The following SHTN1 variants were observed in gnomAD, a reference collection of about 807,000 sequenced individuals.
SHTN1 encodes shootin 1.
Under a neutral mutation model 83.1 loss-of-function variants are expected in SHTN1, and 42 were observed. The observed-to-expected ratio is 0.51, with a 90% CI of 0.39 to 0.65. The LOEUF (loss-of-function observed/expected upper bound fraction) is 0.65, where lower values mean the gene tolerates loss of function less well. Ranked by LOEUF, SHTN1 falls within the 30% of genes least tolerant of loss-of-function variation. The probability of loss-of-function intolerance (pLI) is 0.00; values close to 1 mark genes in which losing one functional copy is unlikely to be tolerated. For synonymous variants in SHTN1, 224 were observed against 247.7 expected (o/e 0.90, Z 0.90); for missense variants, 622 against 737.8 (o/e 0.84, Z 1.82).
At chr10:117,011,778 A>C (rs1437998318) in intron 2 of SHTN1, among the ~76,000 whole-genome samples, 3 of 152,226 alleles carry the variant, frequency 2.0e-5, no homozygotes, top group Non-Finnish European at 4.4e-5. Context: ...GATGCCAAAA[A>C]GTATAAAATG....
chr10:116,896,399 C>G (rs1467137164), intron 16 of SHTN1, among the ~76,000 whole-genome samples: 1 of 152,122 alleles, frequency 6.6e-6, no homozygotes, highest in Non-Finnish European at 1.5e-5. Flanking sequence ...AAATGTGGGA[C>G]TAGTCAACCT....
At chr10:116,894,308 T>A (rs12263941) in intron 16 of SHTN1, among the ~76,000 whole-genome samples, 10,448 of 152,286 alleles carry the variant, frequency 0.069, 465 homozygotes, top group Non-Finnish European at 0.1. Flanking sequence ...GAAATGAACA[T>A]TTTCTATTGA....
At chr10:117,101,214 T>C (rs1853587061) in intron 1 of SHTN1, among the ~76,000 whole-genome samples, 2 of 152,208 alleles carry the variant, frequency 1.3e-5, no homozygotes, top group African/African-American at 4.8e-5. Context: ...ACTGTGCTGG[T>C]TCTGGAGAAA....
chr10:116,917,763 CAT>C (rs1477912163), intron 12 of SHTN1, among the ~76,000 whole-genome samples: 1 of 152,190 alleles, frequency 6.6e-6, no homozygotes, highest in African/African-American at 2.4e-5. Flanking sequence ...TTGCCAGAAT[CAT>C]AGTGATAATT....
intron 1 of SHTN1, among the ~76,000 whole-genome samples, chr10:117,050,414 A>C (rs1176847445): frequency 6.6e-6 from 1 of 152,152 alleles, no homozygotes; most frequent in African/African-American, 2.4e-5. Flanking sequence ...AATGAAAATA[A>C]AATACAATAT....
intron 1 of SHTN1, among the ~76,000 whole-genome samples, chr10:117,067,498 G>C (rs945175671): frequency 1.3e-5 from 2 of 152,146 alleles, no homozygotes; most frequent in South Asian, 2.1e-4. Flanking sequence ...AGGAGGCTGA[G>C]GCAGGATAAT....
chr10:116,951,093 A>G (rs1849760283), intron 6 of SHTN1, among the ~76,000 whole-genome samples: 1 of 152,204 alleles, frequency 6.6e-6, no homozygotes, highest in African/African-American at 2.4e-5. Context: ...TGCAAATAAA[A>G]GGCAATTGTG....
At chr10:117,087,777 G>A (rs1269053510) in intron 1 of SHTN1, among the ~76,000 whole-genome samples, 1 of 152,104 alleles carries the variant, frequency 6.6e-6, no homozygotes, top group African/African-American at 2.4e-5. Context: ...CAAAATCAGA[G>A]AATATTTTTT....
chr10:116,986,207 G>C (rs1295429334), intron 1 of SHTN1, among the ~76,000 whole-genome samples: 1 of 152,002 alleles, frequency 6.6e-6, no homozygotes, highest in Non-Finnish European at 1.5e-5. Context: ...TCCTCATTCC[G>C]TCCTCACAAC....
chr10:116,961,161 CAA>C (rs2133442491), intron 3 of SHTN1, among the ~76,000 whole-genome samples: 1 of 151,348 alleles, frequency 6.6e-6, no homozygotes, highest in African/African-American at 2.4e-5. Context: ...TGAAACCCAA[CAA>C]AGTTAGGCAA....
At chr10:116,982,475 C>T (rs1239826711) in intron 1 of SHTN1, among the ~76,000 whole-genome samples, 1 of 152,152 alleles carries the variant, frequency 6.6e-6, no homozygotes, top group East Asian at 1.9e-4. Context: ...CTAACTTCAG[C>T]AAAACTGGCA....
intron 1 of SHTN1, among the ~76,000 whole-genome samples, chr10:117,001,867 T>A (rs1810912736): frequency 6.6e-6 from 1 of 151,972 alleles, no homozygotes; most frequent in South Asian, 2.1e-4. Flanking sequence ...TATGTACAAG[T>A]CTCATGTATC....
intron 2 of SHTN1, among the ~76,000 whole-genome samples, chr10:117,043,539 C>T (rs1269539758): frequency 6.6e-6 from 1 of 152,054 alleles, no homozygotes; most frequent in East Asian, 1.9e-4. Context: ...TTTTTAATGA[C>T]TCAATAAAGA....
chr10:117,103,844 CT>C (rs1221469783), intron 1 of SHTN1, among the ~76,000 whole-genome samples: 1 of 152,030 alleles, frequency 6.6e-6, no homozygotes, highest in Non-Finnish European at 1.5e-5. Context: ...CCAATGTTTT[CT>C]TTTTTTAACT....
intron 1 of SHTN1, among the ~76,000 whole-genome samples, chr10:117,077,347 G>T (rs1265796873): frequency 6.6e-6 from 1 of 152,162 alleles, no homozygotes; most frequent in East Asian, 1.9e-4. Flanking sequence ...TATGTGTGTG[G>T]AGAATAACTC....
rs1315034361 is a variant in SHTN1 at position 116,968,709 on chromosome 10, C to T, written c.115G>A (p.Asp39Asn). 5 of 1,610,736 alleles carry T rather than the reference C, an allele frequency of 3.1e-6. No homozygotes were observed. In the African/African-American group the frequency reaches 6.7e-5, roughly 22 times the overall value. ...TCATCTCGTTCTTGCCTAATTTTGT[C>T]ACACTGAAATGAGAGAAGTAAACAA... ...AENQKTKEKC[D>N]KIRQERDEAV... The change falls in exon 3 of 17, where the codon GAC (aspartate) becomes AAC (asparagine). Residue 39 changes from aspartate to asparagine, a missense_variant. Physicochemically the swap from Asp to Asn is conservative, Grantham distance 23 (BLOSUM62 1). Coordinates refer to ENST00000355371, the MANE Select transcript of SHTN1 (RefSeq NM_001127211.3).
chr10:116,953,686 G>A (rs1359292919), intron 5 of SHTN1, among the ~76,000 whole-genome samples: 5 of 130,850 alleles, frequency 3.8e-5, no homozygotes, highest in Non-Finnish European at 6.3e-5. Context: ...GGAGTGCAAC[G>A]GCGCAATCTC....
intron 13 of SHTN1, among the ~76,000 whole-genome samples, chr10:116,915,162 C>G (rs1848341551): frequency 6.6e-6 from 1 of 152,076 alleles, no homozygotes; most frequent in Non-Finnish European, 1.5e-5. Context: ...ACAACAGCAC[C>G]CCCAAAATAA....
chr10:117,052,576 G>GAT (rs1357757185), intron 1 of SHTN1, among the ~76,000 whole-genome samples: 1 of 152,096 alleles, frequency 6.6e-6, no homozygotes, highest in Non-Finnish European at 1.5e-5. Context: ...TATAAGGATG[G>GAT]ATATATAGAT....
Sources: allele counts gnomAD v4.1 joint callset (sites outside exome capture counted in the v4.1 genomes callset), GRCh38; gene constraint gnomAD v4.1.1; transcripts MANE v1.5; gene names NCBI Gene and HGNC (gene_info 2026-07-23, HGNC 2026-07-21).